The following EML4 variants were observed in gnomAD, a reference collection of about 807,000 sequenced individuals.
The protein encoded by EML4 is echinoderm microtubule-associated protein-like 4.
EML4 carries 72 observed loss-of-function variants against 129.0 expected under a neutral mutation model. The observed-to-expected ratio is 0.56, with a 90% CI of 0.46 to 0.68. The LOEUF is 0.68. Ranked by LOEUF, EML4 falls within the 30% of genes least tolerant of loss-of-function variation. The probability of loss-of-function intolerance (pLI) is 0.00; values close to 1 mark genes in which losing one functional copy is unlikely to be tolerated. For synonymous variants in EML4, 532 were observed against 405.0 expected (o/e 1.31, Z -3.77); for missense variants, 1,363 against 1,190.6 (o/e 1.14, Z -2.13).
chr2:42,179,621 G>T (rs1670810876), intron 1 of EML4, among the ~76,000 whole-genome samples: 1 of 152,142 alleles, frequency 6.6e-6, no homozygotes, highest in African/African-American at 2.4e-5. Flanking sequence ...GTTTTGTTTT[G>T]AGATGGGGTC....
Position 42,251,110 on chromosome 2 carries a change from C to T in EML4, c.209-5391C>T, listed in dbSNP as rs72970077. ...TGAAGCTTCACTCTCTGGCTTCTCACCTCCTGCTGTCTGGCCTGGTTTCTA... is the reference window on the plus strand; with the variant it reads ...TGAAGCTTCACTCTCTGGCTTCTCATCTCCTGCTGTCTGGCCTGGTTTCTA... On this transcript the variant is annotated intron_variant, in intron 2 of 22. Transcript: ENST00000318522. 5.0e-3 allele frequency among the ~76,000 whole-genome samples: 765 copies of T among 152,336 alleles called. 11 individuals carry two copies. Among genetic ancestry groups the T allele is most frequent in the African/African-American group, 0.017 (725 of 41,574 alleles).
At chr2:42,260,728 C>A (rs967792765) in intron 3 of EML4, among the ~76,000 whole-genome samples, 1 of 152,108 alleles carries the variant, frequency 6.6e-6, no homozygotes, top group Non-Finnish European at 1.5e-5. Flanking sequence ...GGAGAATAAC[C>A]TATTAAACAT....
At chr2:42,321,374 C>A (rs1268110192) in intron 19 of EML4, among the ~76,000 whole-genome samples, 1 of 151,948 alleles carries the variant, frequency 6.6e-6, no homozygotes, top group Non-Finnish European at 1.5e-5. Flanking sequence ...CAGCGAGACT[C>A]ACATCTGAAA....
chr2:42,174,933 C>CA (rs1670513940), intron 1 of EML4, among the ~76,000 whole-genome samples: 1 of 149,632 alleles, frequency 6.7e-6, no homozygotes, highest in Non-Finnish European at 1.5e-5. Flanking sequence ...TTATCTGCCT[C>CA]AGCCTCCCTA....
chr2:42,229,337 G>C (rs111673757), intron 1 of EML4, among the ~76,000 whole-genome samples: 122 of 152,268 alleles, frequency 8.0e-4, no homozygotes, highest in African/African-American at 2.9e-3. Flanking sequence ...TAAGAAACTT[G>C]CCTGGGTATA....
intron 6 of EML4, among the ~76,000 whole-genome samples, chr2:42,276,207 A>G (rs1666647633): frequency 6.6e-6 from 1 of 152,184 alleles, no homozygotes; most frequent in South Asian, 2.1e-4. Context: ...ATGTTTTCAT[A>G]TGATGTTTCC....
At chr2:42,192,249 G>C (rs1442167326) in intron 1 of EML4, among the ~76,000 whole-genome samples, 4 of 149,100 alleles carry the variant, frequency 2.7e-5, no homozygotes, top group Admixed American at 6.7e-5. Context: ...TTTTTGGGGG[G>C]GGGAGGTGTA....
chr2:42,223,260 A>T (rs539954083), intron 1 of EML4, among the ~76,000 whole-genome samples: 3 of 152,080 alleles, frequency 2.0e-5, no homozygotes, highest in African/African-American at 7.2e-5. Context: ...TCATTTTTGT[A>T]GTGATTACGT....
At chr2:42,191,662 ATTAT>A (rs1183411670) in intron 1 of EML4, among the ~76,000 whole-genome samples, 1 of 152,232 alleles carries the variant, frequency 6.6e-6, no homozygotes, top group African/African-American at 2.4e-5. Context: ...TTGATTTAAA[ATTAT>A]TTAATTTTAT....
chr2:42,277,614 G>A (rs1188871323), intron 6 of EML4, among the ~76,000 whole-genome samples: 2 of 150,888 alleles, frequency 1.3e-5, no homozygotes, highest in East Asian at 1.9e-4. Context: ...CTGTCGCCAG[G>A]CTGGAGTGCA....
intron 19 of EML4, among the ~76,000 whole-genome samples, chr2:42,320,578 G>T (rs1181814879): frequency 1.3e-5 from 2 of 152,140 alleles, no homozygotes; most frequent in African/African-American, 4.8e-5. Context: ...GACTAGATGA[G>T]CCTGGGTTGT....
At chr2:42,233,905 C>G (rs574755491) in intron 1 of EML4, among the ~76,000 whole-genome samples, 29 of 152,304 alleles carry the variant, frequency 1.9e-4, no homozygotes, top group Admixed American at 3.3e-4. Flanking sequence ...AGGAAAAATA[C>G]TTACTTTGGG....
At chr2:42,194,276 A>T (rs1184952170) in intron 1 of EML4, among the ~76,000 whole-genome samples, 2 of 146,864 alleles carry the variant, frequency 1.4e-5, no homozygotes, top group Admixed American at 1.3e-4. Context: ...TTTTCTTTAT[A>T]TTTCTTTTCT....
chr2:42,257,254 C>G (rs1170172683), intron 3 of EML4, among the ~76,000 whole-genome samples: 1 of 152,082 alleles, frequency 6.6e-6, no homozygotes, highest in Non-Finnish European at 1.5e-5. Flanking sequence ...TAAAAGTGCT[C>G]ACAGGATTTT....
At chr2:42,170,491 T>G (rs1670204982) in intron 1 of EML4, among the ~76,000 whole-genome samples, 1 of 152,238 alleles carries the variant, frequency 6.6e-6, no homozygotes, top group African/African-American at 2.4e-5. Flanking sequence ...GAAGAGGTTA[T>G]TAAATAGGCT....
At chr2:42,181,896 T>G (rs1670966040) in intron 1 of EML4, among the ~76,000 whole-genome samples, 1 of 152,224 alleles carries the variant, frequency 6.6e-6, no homozygotes, top group African/African-American at 2.4e-5. Context: ...GCTGCTGGAG[T>G]CCTCGTCACA....
At chr2:42,283,880 A>C (rs1003533230) in intron 8 of EML4, among the ~76,000 whole-genome samples, 2 of 152,238 alleles carry the variant, frequency 1.3e-5, no homozygotes, top group Non-Finnish European at 2.9e-5. Flanking sequence ...TTATGTATTA[A>C]TATGTAAATA....
chr2:42,240,440 A>G (rs936457937), intron 1 of EML4, among the ~76,000 whole-genome samples: 1 of 152,122 alleles, frequency 6.6e-6, no homozygotes. Flanking sequence ...GTGTGTGTGT[A>G]TATGTGTGTT....
At chr2:42,260,811 G>A (rs999368485) in intron 3 of EML4, among the ~76,000 whole-genome samples, 1 of 152,168 alleles carries the variant, frequency 6.6e-6, no homozygotes, top group Non-Finnish European at 1.5e-5. Context: ...GTAACTTGAG[G>A]TCAGTTAAGA....
Sources: allele counts gnomAD v4.1 joint callset (sites outside exome capture counted in the v4.1 genomes callset), GRCh38; gene constraint gnomAD v4.1.1; transcripts MANE v1.5; gene names NCBI Gene and HGNC (gene_info 2026-07-23, HGNC 2026-07-21).